ZZZ3: variants seen among roughly 807,000 people sequenced by gnomAD.
ZZZ3 encodes the protein zinc finger ZZ-type containing 3.
ZZZ3 carries 22 observed loss-of-function variants against 95.2 expected under a neutral mutation model. That is an observed-to-expected ratio of 0.23 (90% confidence interval 0.17 to 0.33). The LOEUF is 0.33. Among genes scored for constraint, ZZZ3 ranks in the 10% least tolerant of loss-of-function variants. The pLI is 1.00. For synonymous variants in ZZZ3, 335 were observed against 358.9 expected (o/e 0.93, Z 0.75); for missense variants, 885 against 1,066.5 (o/e 0.83, Z 2.37).
intron 12 of ZZZ3, among the ~76,000 whole-genome samples, chr1:77,573,392 G>A (rs927253789): frequency 2.0e-5 from 3 of 152,230 alleles, no homozygotes; most frequent in Non-Finnish European, 4.4e-5. Flanking sequence ...AAAGTGCTGG[G>A]ATTACAGGCG....
At chr1:77,655,501 T>C (rs373062051) in intron 1 of ZZZ3, among the ~76,000 whole-genome samples, 20 of 152,308 alleles carry the variant, frequency 1.3e-4, no homozygotes, top group African/African-American at 4.6e-4. Flanking sequence ...TTGCCAACAC[T>C]TAATCTGCCC....
intron 1 of ZZZ3, among the ~76,000 whole-genome samples, chr1:77,666,559 T>G (rs1465704209): frequency 2.0e-5 from 3 of 152,098 alleles, no homozygotes; most frequent in African/African-American, 7.2e-5. Flanking sequence ...ATATAAATAC[T>G]TATATGGACT....
At chr1:77,587,190 G>A (rs1026689816) in intron 5 of ZZZ3, among the ~76,000 whole-genome samples, 1 of 150,528 alleles carries the variant, frequency 6.6e-6, no homozygotes, top group African/African-American at 2.4e-5. Flanking sequence ...CACCATACTA[G>A]TCCATCTAGT....
chr1:77,584,125 A>C (rs561184892), intron 6 of ZZZ3, among the ~76,000 whole-genome samples: 17 of 152,316 alleles, frequency 1.1e-4, no homozygotes, highest in African/African-American at 3.8e-4. Flanking sequence ...CTAGTGTGCA[A>C]AAGTAGCCCA....
Position 77,653,775 on chromosome 1 carries a change from A to G in ZZZ3, c.-402-12120T>C, listed in dbSNP as rs764955245. Among the ~76,000 whole-genome samples the G allele has an allele frequency of 8.7e-4, 133 of 152,228 alleles. 1 individual carries two copies. The highest frequency in any genetic ancestry group is 1.6e-3 in the Non-Finnish European group (112 of 68,004). Reference sequence around the variant, plus strand: ...TCTCAAAAAAAAATTAAAAAAGATAATATTACAAATAACTTCATGTCAATA... The same window carrying G: ...TCTCAAAAAAAAATTAAAAAAGATAGTATTACAAATAACTTCATGTCAATA... On this transcript the variant is annotated intron_variant, in intron 1 of 14. Transcript: ENST00000370801.
At chr1:77,656,938 C>T (rs1670319445) in intron 1 of ZZZ3, among the ~76,000 whole-genome samples, 1 of 152,186 alleles carries the variant, frequency 6.6e-6, no homozygotes, top group African/African-American at 2.4e-5. Flanking sequence ...AACACATATC[C>T]TTGTTTTATC....
chr1:77,606,101 G>A (rs1328522700), intron 5 of ZZZ3, among the ~76,000 whole-genome samples: 2 of 152,152 alleles, frequency 1.3e-5, no homozygotes, highest in African/African-American at 4.8e-5. Context: ...GAGCCAGAAG[G>A]GGGTCCACTA....
chr1:77,594,455 CT>C (rs1203947935), intron 5 of ZZZ3, among the ~76,000 whole-genome samples: 1 of 152,008 alleles, frequency 6.6e-6, no homozygotes, highest in Admixed American at 6.6e-5. Context: ...ATCTTTAATG[CT>C]GTCCCATAGC....
chr1:77,600,374 G>C (rs1664615935), intron 5 of ZZZ3, among the ~76,000 whole-genome samples: 1 of 152,080 alleles, frequency 6.6e-6, no homozygotes, highest in Non-Finnish European at 1.5e-5. Flanking sequence ...GCTAAGGTAC[G>C]GTACTAAGCA....
chr1:77,673,769 T>C (rs1237810258), intron 1 of ZZZ3, among the ~76,000 whole-genome samples: 1 of 152,186 alleles, frequency 6.6e-6, no homozygotes, highest in Non-Finnish European at 1.5e-5. Context: ...TTCATAAATG[T>C]TAAGTATTTT....
chr1:77,573,708 T>C (rs1661643198), intron 12 of ZZZ3, among the ~76,000 whole-genome samples: 2 of 152,204 alleles, frequency 1.3e-5, no homozygotes. Context: ...TTTTTATGAA[T>C]ACAGTTATTA....
chr1:77,592,546 C>T (rs892125146), intron 5 of ZZZ3, among the ~76,000 whole-genome samples: 2 of 152,048 alleles, frequency 1.3e-5, no homozygotes, highest in Non-Finnish European at 1.5e-5. Flanking sequence ...AAGTGACCTG[C>T]CCACCCCGGC....
At chr1:77,672,705 T>TAA (rs1671893949) in intron 1 of ZZZ3, among the ~76,000 whole-genome samples, 1 of 152,246 alleles carries the variant, frequency 6.6e-6, no homozygotes, top group Non-Finnish European at 1.5e-5. Flanking sequence ...TGAAATTCTC[T>TAA]TAACTACAGA....
chr1:77,653,708 G>A (rs1398004277), intron 1 of ZZZ3, among the ~76,000 whole-genome samples: 9 of 152,134 alleles, frequency 5.9e-5, no homozygotes, highest in East Asian at 1.9e-4. Flanking sequence ...AGCCTAGATC[G>A]TGCCATTGCA....
intron 6 of ZZZ3, 53 bp downstream of exon 6, chr1:77,584,464 T>G: frequency 6.5e-7 from 1 of 1,538,840 alleles, no homozygotes; most frequent in Non-Finnish European, 8.7e-7. Flanking sequence ...CAAATTCTCT[T>G]AAGCTATTCC....
At position 77,579,644 on chromosome 1, in the gene ZZZ3, G is replaced by A. The variant is rs1404361564; in HGVS notation, c.1981-16C>T. On this transcript the variant is annotated splice_polypyrimidine_tract_variant and intron_variant, in intron 9 of 14. Coordinates refer to ENST00000370801, the MANE Select transcript of ZZZ3 (RefSeq NM_015534.6). ...CCAGCTTTTTCTAAGCCATACCCAA[G>A]ACCAAATTTAAGAAAATATGTATTT... 1.4e-6 allele frequency: 2 copies of A among 1,436,568 alleles called. No individual in the cohort carries two copies. The highest frequency in any genetic ancestry group is 2.3e-5 in the Admixed American group (1 of 42,964). 89.0% of individuals were successfully genotyped at this position (1,436,568 alleles called of 1,614,324 possible).
intron 5 of ZZZ3, among the ~76,000 whole-genome samples, chr1:77,614,574 C>T (rs1021795155): frequency 1.3e-5 from 2 of 152,054 alleles, no homozygotes; most frequent in Non-Finnish European, 1.5e-5. Context: ...ACAAGACAAA[C>T]TCAGTGCAAA....
At chr1:77,571,077 A>G (rs1358748672) in intron 12 of ZZZ3, among the ~76,000 whole-genome samples, 1 of 152,188 alleles carries the variant, frequency 6.6e-6, no homozygotes, top group Non-Finnish European at 1.5e-5. Context: ...ACACTAATAA[A>G]TAAGTGACCC....
intron 5 of ZZZ3, among the ~76,000 whole-genome samples, chr1:77,616,729 GGT>G (rs2100761803): frequency 6.6e-6 from 1 of 152,216 alleles, no homozygotes; most frequent in East Asian, 1.9e-4. Context: ...AGCCGGGGGT[GGT>G]GGCACCCACC....
Sources: allele counts gnomAD v4.1 joint callset (sites outside exome capture counted in the v4.1 genomes callset), GRCh38; gene constraint gnomAD v4.1.1; transcripts MANE v1.5; gene names NCBI Gene and HGNC (gene_info 2026-07-23, HGNC 2026-07-21).